ATP13A4: variants seen among roughly 807,000 people sequenced by gnomAD.
ATP13A4 encodes the protein probable cation-transporting ATPase 13A4.
Under a neutral mutation model 142.5 loss-of-function variants are expected in ATP13A4, and 114 were observed. The observed-to-expected ratio is 0.80, with a 90% confidence interval of 0.69 to 0.93. ATP13A4 has a LOEUF of 0.93. ATP13A4 is among the 40% of genes least tolerant of loss of function. The pLI is 0.00. For missense variants in ATP13A4, 1,392 were observed against 1,454.0 expected (o/e 0.96, Z 0.69); for synonymous variants, 488 against 514.8 (o/e 0.95, Z 0.70).
At chr3:193,515,404 C>G (rs148797048) in intron 1 of ATP13A4, among the ~76,000 whole-genome samples, 138 of 152,280 alleles carry the variant, frequency 9.1e-4, no homozygotes, top group African/African-American at 3.2e-3. Context: ...AGAAAAGAAC[C>G]AGGCCTTGAA....
intron 1 of ATP13A4, among the ~76,000 whole-genome samples, chr3:193,530,208 T>C (rs1448212501): frequency 1.3e-5 from 2 of 152,162 alleles, no homozygotes; most frequent in Non-Finnish European, 2.9e-5. Context: ...GGTTTTTTTT[T>C]CGGTTTTTGT....
intron 1 of ATP13A4, among the ~76,000 whole-genome samples, chr3:193,521,689 T>C (rs1577047294): frequency 6.6e-6 from 1 of 151,922 alleles, no homozygotes; most frequent in East Asian, 1.9e-4. Context: ...TCCCAGCATT[T>C]TGGGAGGCCG....
chr3:193,463,739 C>T (rs530641242), intron 12 of ATP13A4, among the ~76,000 whole-genome samples: 12 of 152,132 alleles, frequency 7.9e-5, no homozygotes, highest in African/African-American at 2.9e-4. Flanking sequence ...TTTCTTTTTC[C>T]AGGTCCGAGG....
intron 1 of ATP13A4, among the ~76,000 whole-genome samples, chr3:193,516,606 T>G (rs1721429136): frequency 6.6e-6 from 1 of 152,172 alleles, no homozygotes. Context: ...CCCATGTGCT[T>G]TTTCTATGTT....
Position 193,440,590 on chromosome 3 carries a change from C to G in ATP13A4, c.2487G>C (p.Lys829Asn), listed in dbSNP as rs751163983. ...TIFARMSPGQ[K>N]SSLVEEFQKL... ...TCTGAAATTCTTCCACCAGACTGGA[C>G]TTCTGCCCAGGAGACATTCTTGCAA... The change falls in exon 21 of 30, where the codon AAG becomes AAC. Residue 829 changes from lysine (K) to asparagine (N), a missense_variant. By Grantham distance (94) the Lys-to-Asn change is moderately conservative. Transcript: ENST00000342695. 4 of 1,613,986 alleles carry G rather than the reference C, an allele frequency of 2.5e-6. No individual in the cohort carries two copies. In the Admixed American group the frequency reaches 6.7e-5, roughly 27 times the overall value.
rs191162906 is a variant in ATP13A4 at position 193,414,765 on chromosome 3, C to T, written c.2843-15G>A. 1.5e-4 allele frequency: 239 copies of T among 1,612,560 alleles called. No homozygotes were observed. In the East Asian group the frequency reaches 3.5e-3, roughly 24 times the overall value. ...ATTCAGATTCACTATAAAATAAATT[C>T]GAATTTTATATTTATGAGAGCAGGA... On this transcript the variant is annotated splice_polypyrimidine_tract_variant and intron_variant, in intron 25 of 29. Transcript: ENST00000342695.
Position 193,407,340 on chromosome 3 carries a change from C to G in ATP13A4, c.3351G>C (p.Leu1117Phe). The G allele has an allele frequency of 1.2e-6, 2 of 1,613,540 alleles. No individual in the cohort carries two copies. The highest frequency in any genetic ancestry group is 1.7e-6 in the Non-Finnish European group (2 of 1,179,642). ...WRASIVIMLS[L>F]NFIVSLVAEE... ...CGGCCACAAGGGACACAATGAAATT[C>G]AAGCTGAGCATGATGACAATGGAGG... Residue 1117 changes from leucine (L) to phenylalanine (F), a missense_variant, in exon 29 of 30, where the codon TTG becomes TTC. Transcript: ENST00000342695.
rs1430480019 is a variant in ATP13A4 at position 193,454,074 on chromosome 3, T to C, written c.2027+27A>G. On this transcript the variant is annotated intron_variant, in intron 17 of 29. Coordinates refer to ENST00000342695, the MANE Select transcript of ATP13A4 (RefSeq NM_032279.4). ...GGTACATCTTTCCATCAAACCTTTC[T>C]GCTTTATCAAAATCATCCCCATTTA... 3.2e-6 allele frequency: 5 copies of C among 1,560,778 alleles called. No individual in the cohort carries two copies. The East Asian group carries it at 1.1e-4, about 35-fold the overall frequency.
At chr3:193,515,334 G>A (rs989829956) in intron 1 of ATP13A4, among the ~76,000 whole-genome samples, 2 of 152,172 alleles carry the variant, frequency 1.3e-5, no homozygotes, top group African/African-American at 2.4e-5. Flanking sequence ...GTCAGCTGGC[G>A]AGCTGACAGC....
chr3:193,501,028 A>G (rs1225830212), intron 3 of ATP13A4, among the ~76,000 whole-genome samples: 1 of 152,226 alleles, frequency 6.6e-6, no homozygotes, highest in Non-Finnish European at 1.5e-5. Flanking sequence ...CTGGTAAATG[A>G]AGATAGTACA....
chr3:193,493,227 C>T (rs1370338308), intron 3 of ATP13A4, 67 bp from the exon 4 acceptor site: 4 of 1,303,854 alleles, frequency 3.1e-6, no homozygotes, highest in Non-Finnish European at 4.4e-6. Context: ...AACCCAGTGG[C>T]TAAAGAAGCA....
intron 8 of ATP13A4, among the ~76,000 whole-genome samples, chr3:193,473,307 A>G (rs1343586942): frequency 6.6e-6 from 1 of 152,236 alleles, no homozygotes; most frequent in Non-Finnish European, 1.5e-5. Context: ...CAAATAAAAT[A>G]AGGATTTATG....
At position 193,414,797 on chromosome 3, in the gene ATP13A4, A is replaced by G. The variant is rs781189426; in HGVS notation, c.2843-47T>C. On this transcript the variant is annotated intron_variant, in intron 25 of 29. Coordinates refer to ENST00000342695, the MANE Select transcript of ATP13A4 (RefSeq NM_032279.4). ...TATATTTATGAGAGCAGGAAAATGT[A>G]TTCTTGATCAGAAGAATGGCATAAG... The G allele has an allele frequency of 3.8e-6, 6 of 1,576,278 alleles. No homozygotes were observed. The Admixed American group carries it at 5.0e-5, about 13-fold the overall frequency.
intron 8 of ATP13A4, among the ~76,000 whole-genome samples, chr3:193,481,086 G>A (rs1719265041): frequency 2.6e-5 from 4 of 152,104 alleles, no homozygotes; most frequent in Admixed American, 2.6e-4. Context: ...AGGACACAAA[G>A]GCATAAGAAT....
intron 1 of ATP13A4, among the ~76,000 whole-genome samples, chr3:193,531,495 G>A (rs915551147): frequency 2.0e-5 from 3 of 152,172 alleles, no homozygotes; most frequent in Admixed American, 6.5e-5. Flanking sequence ...TCTGTGTAAC[G>A]TTGGTGGTTG....
At chr3:193,568,740 C>A (rs908444274) in intron 2 of ATP13A4, among the ~76,000 whole-genome samples, 1 of 151,980 alleles carries the variant, frequency 6.6e-6, no homozygotes, top group South Asian at 2.1e-4. Context: ...AGTGCCAGAA[C>A]ATAAAAAAGT....
chr3:193,437,765 C>T (rs931189798), intron 23 of ATP13A4, among the ~76,000 whole-genome samples: 6 of 151,048 alleles, frequency 4.0e-5, no homozygotes, highest in Admixed American at 6.6e-5. Context: ...AGTACATTTT[C>T]GGCAGGGTGG....
upstream of ATP13A4, among the ~76,000 whole-genome samples, chr3:193,558,013 C>T (rs1723939649): frequency 6.6e-6 from 1 of 152,184 alleles, no homozygotes; most frequent in Admixed American, 6.5e-5. Flanking sequence ...TGGACCAACG[C>T]CATGCATGGA....
rs143525332 is a variant in ATP13A4 at position 193,502,671 on chromosome 3, G to T, written c.235-32C>A. 3.6e-3 allele frequency: 5,824 copies of T among 1,601,524 alleles called. 217 individuals are homozygous for T. In the African/African-American group the frequency reaches 0.07, roughly 19 times the overall value. ...AGATAGACATCAAAACCCCCAAGAA[G>T]TTAAGAGAGGTCAGCAGGCTACAAT... is the stretch of plus-strand genomic sequence containing the variant. On this transcript the variant is annotated intron_variant, in intron 2 of 29. Coordinates refer to ENST00000342695, the MANE Select transcript of ATP13A4 (RefSeq NM_032279.4).
Sources: allele counts gnomAD v4.1 joint callset (sites outside exome capture counted in the v4.1 genomes callset), GRCh38; gene constraint gnomAD v4.1.1; transcripts MANE v1.5; gene names NCBI Gene and HGNC (gene_info 2026-07-23, HGNC 2026-07-21).